Variants in IGSF21 observed in about 807,000 individuals in gnomAD.
The protein encoded by IGSF21 is immunoglobin superfamily member 21.
Under a neutral mutation model 46.8 loss-of-function variants are expected in IGSF21, and 28 were observed. That is an observed-to-expected ratio of 0.60 (90% confidence interval 0.44 to 0.82). The LOEUF (loss-of-function observed/expected upper bound fraction) is 0.82, where lower values mean the gene tolerates loss of function less well. Among genes scored for constraint, IGSF21 ranks in the 40% least tolerant of loss-of-function variants. The pLI is 0.00. For synonymous variants in IGSF21, 284 were observed against 273.6 expected (o/e 1.04, Z -0.38); for missense variants, 624 against 665.5 (o/e 0.94, Z 0.69).
chr1:18,347,522 T>C (rs2085906632), intron 4 of IGSF21, among the ~76,000 whole-genome samples: 1 of 152,180 alleles, frequency 6.6e-6, no homozygotes, highest in Non-Finnish European at 1.5e-5. Context: ...GTCCTGGAAT[T>C]CAGTGGGGTG....
intron 4 of IGSF21, among the ~76,000 whole-genome samples, chr1:18,356,070 C>T (rs1001362084): frequency 1.3e-5 from 2 of 152,052 alleles, no homozygotes; most frequent in Non-Finnish European, 2.9e-5. Context: ...CCCGACCTCA[C>T]GTGATCCACT....
At chr1:18,278,864 C>T (rs1421729471) in intron 2 of IGSF21, 8 of 471,610 alleles carry the variant, frequency 1.7e-5, no homozygotes, top group Admixed American at 1.2e-4. Context: ...CCCATGTTCA[C>T]ATTTTAATTG....
chr1:18,374,629 C>T (rs2086262533), intron 6 of IGSF21, among the ~76,000 whole-genome samples: 1 of 152,156 alleles, frequency 6.6e-6, no homozygotes, highest in Admixed American at 6.5e-5. Flanking sequence ...CGGATGCTTC[C>T]CTAGACCCAT....
chr1:18,113,645 G>T (rs2086162649), intron 1 of IGSF21: 1 of 106,348 alleles, frequency 9.4e-6, no homozygotes, highest in African/African-American at 3.7e-5. Context: ...ATGACATCTT[G>T]GTGGGTGAAA....
At chr1:18,343,831 T>C (rs948360903) in intron 4 of IGSF21, among the ~76,000 whole-genome samples, 1 of 152,222 alleles carries the variant, frequency 6.6e-6, no homozygotes, top group South Asian at 2.1e-4. Context: ...TCTGGTGCTT[T>C]TCTAACCATC....
At chr1:18,243,734 C>T (rs1288783036) in intron 2 of IGSF21, among the ~76,000 whole-genome samples, 1 of 152,192 alleles carries the variant, frequency 6.6e-6, no homozygotes, top group Non-Finnish European at 1.5e-5. Context: ...AAACAGGAGC[C>T]AGCCCACACC....
chr1:18,174,875 G>A (rs1377702708), intron 1 of IGSF21, among the ~76,000 whole-genome samples: 1 of 152,222 alleles, frequency 6.6e-6, no homozygotes, highest in East Asian at 1.9e-4. Flanking sequence ...CCTCAGGTCT[G>A]CTTCTGGGAA....
intron 1 of IGSF21, among the ~76,000 whole-genome samples, chr1:18,141,461 G>A (rs991788500): frequency 6.6e-6 from 1 of 152,140 alleles, no homozygotes; most frequent in African/African-American, 2.4e-5. Context: ...GTTCTCAGCA[G>A]GCAGAGAACT....
At chr1:18,137,932 A>T (rs2086382104) in intron 1 of IGSF21, among the ~76,000 whole-genome samples, 1 of 152,176 alleles carries the variant, frequency 6.6e-6, no homozygotes, top group South Asian at 2.1e-4. Context: ...GAGGTTATGT[A>T]GCTGACTCAA....
chr1:18,210,035 G>A (rs1018959970), intron 1 of IGSF21, among the ~76,000 whole-genome samples: 5 of 152,310 alleles, frequency 3.3e-5, no homozygotes, highest in Non-Finnish European at 5.9e-5. Context: ...CCTTCAGCAG[G>A]ACGAAGTTAG....
At chr1:18,321,281 G>A (rs1049415877) in intron 3 of IGSF21, among the ~76,000 whole-genome samples, 18 of 152,216 alleles carry the variant, frequency 1.2e-4, no homozygotes, top group African/African-American at 3.9e-4. Context: ...CTGATGCCTC[G>A]ATGACCCCAG....
At chr1:18,186,038 A>T (rs2086900050) in intron 1 of IGSF21, among the ~76,000 whole-genome samples, 3 of 152,148 alleles carry the variant, frequency 2.0e-5, no homozygotes, top group Admixed American at 6.5e-5. Context: ...TATTAGGGGG[A>T]TGGCAACATA....
At chr1:18,117,919 T>A (rs1459054284) in intron 1 of IGSF21, among the ~76,000 whole-genome samples, 2 of 152,184 alleles carry the variant, frequency 1.3e-5, no homozygotes, top group African/African-American at 4.8e-5. Context: ...CTGAGCATGA[T>A]GTGGGGGGCA....
Position 18,376,985 on chromosome 1 carries a change from C to T in IGSF21, c.1287C>T (p.Ile429=), listed in dbSNP as rs144001553. ...LGSTDTHTRL[I]VFENPNIPRG... is the part of the protein sequence containing the mutation. ...CCACCGACACGCACACCCGGCTCATCGTGTTTGGTATGGCGCGCTCAACTG... is the reference window on the plus strand; with the variant it reads ...CCACCGACACGCACACCCGGCTCATTGTGTTTGGTATGGCGCGCTCAACTG... The change falls in exon 8 of 10, where the codon ATC becomes ATT. Residue 429 remains isoleucine (I), a synonymous_variant. Coordinates refer to ENST00000251296, the MANE Select transcript of IGSF21 (RefSeq NM_032880.5). 2.8e-3 allele frequency: 4,520 copies of T among 1,591,206 alleles called. 10 individuals are homozygous for T. The highest frequency in any genetic ancestry group is 3.7e-3 in the Non-Finnish European group (4,253 of 1,162,584).
chr1:18,193,209 A>C (rs1557581260), intron 1 of IGSF21, among the ~76,000 whole-genome samples: 1 of 152,108 alleles, frequency 6.6e-6, no homozygotes. Flanking sequence ...CAGAGGGAAG[A>C]GCAGCATAGA....
At chr1:18,197,696 C>G (rs1292047354) in intron 1 of IGSF21, among the ~76,000 whole-genome samples, 1 of 152,236 alleles carries the variant, frequency 6.6e-6, no homozygotes, top group East Asian at 1.9e-4. Flanking sequence ...GGCTCTGCCA[C>G]TCAACAGCTG....
At chr1:18,243,171 A>C (rs1156952476) in intron 2 of IGSF21, among the ~76,000 whole-genome samples, 1 of 152,186 alleles carries the variant, frequency 6.6e-6, no homozygotes, top group Non-Finnish European at 1.5e-5. Flanking sequence ...TCATCATTCG[A>C]TTTTAGGAAG....
At position 18,372,864 on chromosome 1, in the gene IGSF21, GGGTGGA is replaced by G. The variant is rs1397499659; in HGVS notation, c.1016-3445_1016-3440del. Among the ~76,000 whole-genome samples the G allele has an allele frequency of 9.1e-3, 774 of 85,478 alleles. 8 individuals are homozygous for G. Among genetic ancestry groups the G allele is most frequent in the Admixed American group, 0.048 (371 of 7,778 alleles). 56.1% of individuals were successfully genotyped at this position (85,478 alleles called of 152,430 possible). Reference sequence around the variant, plus strand: ...TGGATGGATGGATGGATGGATGGATGGGTGGATGGATGGATGGATGGATGGATGAGT... The same window carrying G: ...TGGATGGATGGATGGATGGATGGATGTGGATGGATGGATGGATGGATGAGT... On this transcript the variant is annotated intron_variant, in intron 6 of 9. Transcript: ENST00000251296.
intron 2 of IGSF21, among the ~76,000 whole-genome samples, chr1:18,259,447 C>G (rs897727558): frequency 6.6e-6 from 1 of 152,160 alleles, no homozygotes; most frequent in African/African-American, 2.4e-5. Context: ...TTCATTTTAA[C>G]TGCAGAGGAT....
Sources: allele counts gnomAD v4.1 joint callset (sites outside exome capture counted in the v4.1 genomes callset), GRCh38; gene constraint gnomAD v4.1.1; transcripts MANE v1.5; gene names NCBI Gene and HGNC (gene_info 2026-07-23, HGNC 2026-07-21).